EIF4E3: variants seen among roughly 807,000 people sequenced by gnomAD.
EIF4E3 encodes eukaryotic translation initiation factor 4E type 3.
EIF4E3 carries 26 observed loss-of-function variants against 31.7 expected under a neutral mutation model. That is an observed-to-expected ratio of 0.82 (90% CI 0.60 to 1.14). The LOEUF (loss-of-function observed/expected upper bound fraction) is 1.14. Among genes scored for constraint, EIF4E3 ranks in the 50% most tolerant of loss-of-function variants. EIF4E3 has a pLI of 0.00. For synonymous variants in EIF4E3, 128 were observed against 107.7 expected (o/e 1.19, Z -1.17); for missense variants, 304 against 270.9 (o/e 1.12, Z -0.86).
intron 5 of EIF4E3, among the ~76,000 whole-genome samples, chr3:71,693,409 A>G (rs910970874): frequency 6.6e-6 from 1 of 152,130 alleles, no homozygotes; most frequent in African/African-American, 2.4e-5. Flanking sequence ...AACAAGACGA[A>G]GGGGTTAGGG....
chr3:71,701,169 C>T (rs1030727266), intron 2 of EIF4E3, among the ~76,000 whole-genome samples: 2 of 152,128 alleles, frequency 1.3e-5, no homozygotes, highest in Non-Finnish European at 2.9e-5. Flanking sequence ...TGAACTAAGA[C>T]ACAGGGCAAC....
chr3:71,667,448 A>C, the EIF4E3 span, among the ~76,000 whole-genome samples: 1 of 152,234 alleles, frequency 6.6e-6, no homozygotes, highest in East Asian at 1.9e-4. Flanking sequence ...ATAGGAAGAG[A>C]AGAAGTCAAA....
At chr3:71,719,546 A>G (rs535227007) in intron 1 of EIF4E3, among the ~76,000 whole-genome samples, 20 of 152,206 alleles carry the variant, frequency 1.3e-4, no homozygotes, top group African/African-American at 4.8e-4. Flanking sequence ...AAAAAAAAAA[A>G]AAAAGTCTGC....
chr3:71,662,910 C>G, the EIF4E3 span, among the ~76,000 whole-genome samples: 1 of 152,148 alleles, frequency 6.6e-6, no homozygotes, highest in African/African-American at 2.4e-5. Context: ...GGTTTGCAAG[C>G]TGAGCATGAT....
At chr3:71,673,307 G>A (rs543707958), downstream of EIF4E3, among the ~76,000 whole-genome samples, 2 of 152,004 alleles carry the variant, frequency 1.3e-5, no homozygotes, top group African/African-American at 4.8e-5. Flanking sequence ...TCACATGCTG[G>A]TGCACAGGCC....
At chr3:71,705,603 G>A (rs767795177) in intron 2 of EIF4E3, among the ~76,000 whole-genome samples, 7 of 152,138 alleles carry the variant, frequency 4.6e-5, no homozygotes, top group Non-Finnish European at 8.8e-5. Flanking sequence ...TCTTTAAGGC[G>A]ATACACCAAA....
chr3:71,746,836 A>G (rs770257849), intron 1 of EIF4E3, among the ~76,000 whole-genome samples: 1 of 152,080 alleles, frequency 6.6e-6, no homozygotes, highest in Non-Finnish European at 1.5e-5. Context: ...TTCTATCACT[A>G]TGGATTTACC....
At chr3:71,733,399 A>G (rs565292704) in intron 1 of EIF4E3, among the ~76,000 whole-genome samples, 1 of 152,356 alleles carries the variant, frequency 6.6e-6, no homozygotes, top group Admixed American at 6.5e-5. Context: ...TTTACGGTTC[A>G]TAGATCATTT....
intron 1 of EIF4E3, among the ~76,000 whole-genome samples, chr3:71,742,546 T>C (rs1404954647): frequency 6.6e-6 from 1 of 152,068 alleles, no homozygotes; most frequent in African/African-American, 2.4e-5. Flanking sequence ...AAGTAAATTC[T>C]ACCAAACATT....
intron 1 of EIF4E3, among the ~76,000 whole-genome samples, chr3:71,741,560 A>G (rs1434423870): frequency 6.6e-6 from 1 of 152,268 alleles, no homozygotes; most frequent in Non-Finnish European, 1.5e-5. Context: ...ATACAAATCC[A>G]GAATTATAGC....
intron 1 of EIF4E3, among the ~76,000 whole-genome samples, chr3:71,717,193 T>C (rs2049478416): frequency 6.6e-6 from 1 of 152,202 alleles, no homozygotes; most frequent in African/African-American, 2.4e-5. Context: ...CGGGAGCTTG[T>C]TGGAGCGGCA....
At chr3:71,744,880 C>T (rs1419224123) in intron 1 of EIF4E3, among the ~76,000 whole-genome samples, 1 of 152,114 alleles carries the variant, frequency 6.6e-6, no homozygotes. Context: ...CAGGAAGTCT[C>T]ACAGGGAGAG....
chr3:71,666,789 A>C, the EIF4E3 span, among the ~76,000 whole-genome samples: 1 of 152,060 alleles, frequency 6.6e-6, no homozygotes, highest in Non-Finnish European at 1.5e-5. Context: ...ATACAAAAAA[A>C]TTAGCTGGGC....
At position 71,719,192 on chromosome 3, in the gene EIF4E3, T is replaced by C. The variant is rs532375803; in HGVS notation, c.176+6000A>G. On this transcript the variant is annotated intron_variant, in intron 1 of 6. Coordinates refer to ENST00000425534, the MANE Select transcript of EIF4E3 (RefSeq NM_001134651.2). ...CTACTGAAACATTCAGCATGTGAGA[T>C]ATCCCTCCTGCGAGGACATGGCCCA... 2.0e-5 allele frequency among the ~76,000 whole-genome samples: 3 copies of C among 152,352 alleles called. No individual in the cohort carries two copies. In the East Asian group the frequency reaches 5.8e-4, roughly 29 times the overall value.
rs2048956305 is a variant in EIF4E3 at position 71,683,986 on chromosome 3, T to C, written c.*696A>G. ...GGGTCCAAAGACTTAGAGCTTGATT[T>C]ATATCCTGATACTGAATTGTGATTA... On this transcript the variant is annotated 3_prime_UTR_variant, in exon 7 of 7. Transcript: ENST00000425534. 1 of 152,226 alleles carries C rather than the reference T, an allele frequency of 6.6e-6. No homozygotes were observed. The highest frequency in any genetic ancestry group is 1.5e-5 in the Non-Finnish European group (1 of 68,046). 9.4% of individuals were successfully genotyped at this position (152,226 alleles called of 1,614,324 possible). A position where few individuals can be genotyped will look rare whatever the true frequency, so the allele number is the denominator to read the frequency against.
chr3:71,686,641 A>C (rs577726086), intron 6 of EIF4E3, among the ~76,000 whole-genome samples: 22 of 152,110 alleles, frequency 1.4e-4, no homozygotes, highest in African/African-American at 4.6e-4. Flanking sequence ...ATCTGCAAGG[A>C]AATTACACTA....
chr3:71,754,700 G>T, upstream of EIF4E3: 2 of 1,490,008 alleles, frequency 1.3e-6, no homozygotes, highest in Admixed American at 2.1e-5. This position sits in a 1 kb window ranked among gnomAD's most constrained non-coding sequence, Gnocchi z 5.8. Context: ...TGCGGCCCGC[G>T]CGCCTGGTGC....
In EIF4E3 at chr3:71,682,091, T is replaced by C. The variant is rs1469012876; in HGVS notation, c.*2591A>G. The C allele has an allele frequency of 6.6e-6, 1 of 152,186 alleles. No individual in the cohort carries two copies. The highest frequency in any genetic ancestry group is 2.4e-5 in the African/African-American group (1 of 41,458). 9.4% of individuals were successfully genotyped at this position (152,186 alleles called of 1,614,324 possible). ...ACAGTCAAAATATAGGCAAGTTACT[T>C]TAAATGGGTATTATTTGTCCTTACT... On this transcript the variant is annotated 3_prime_UTR_variant, in exon 7 of 7. Transcript: ENST00000425534.
At chr3:71,693,178 C>G (rs1350642554) in intron 5 of EIF4E3, among the ~76,000 whole-genome samples, 1 of 152,188 alleles carries the variant, frequency 6.6e-6, no homozygotes, top group African/African-American at 2.4e-5. Context: ...AAACTTTAAA[C>G]AAGCAATTAA....
Sources: gnomAD v4.1 joint callset for allele counts (sites outside exome capture counted in the v4.1 genomes callset) on GRCh38, gnomAD v4.1.1 for gene constraint, Gnocchi (gnomAD v3.1) non-coding constraint, MANE v1.5 for transcripts, NCBI Gene and HGNC (gene_info 2026-07-23, HGNC 2026-07-21) for gene names.